PLEKHA7: variants seen among roughly 807,000 people sequenced by gnomAD.
PLEKHA7 encodes the protein pleckstrin homology domain containing A7, also known as pleckstrin homology domain-containing family A member 7.
A neutral mutation model predicts 170.0 loss-of-function variants in PLEKHA7; 104 were observed. That is an observed-to-expected ratio of 0.61 (90% CI 0.52 to 0.72). PLEKHA7 has a LOEUF of 0.72. Ranked by LOEUF, PLEKHA7 falls within the 30% of genes least tolerant of loss-of-function variation. The probability of loss-of-function intolerance (pLI) is 0.00; values close to 1 mark genes in which losing one functional copy is unlikely to be tolerated. For missense variants in PLEKHA7, 1,615 were observed against 1,671.7 expected (o/e 0.97, Z 0.59); for synonymous variants, 648 against 660.8 (o/e 0.98, Z 0.30).
chr11:16,888,875 T>TA (rs1321840933), intron 3 of PLEKHA7, among the ~76,000 whole-genome samples: 75 of 31,306 alleles, frequency 2.4e-3, no homozygotes, highest in Middle Eastern at 0.025. Context: ...TTAAAAAAAT[T>TA]AAAAAAAACA....
At chr11:16,788,993 G>C in intron 23 of PLEKHA7, 103 bp downstream of exon 23, 1 of 1,388,320 alleles carries the variant, frequency 7.2e-7, no homozygotes, top group Non-Finnish European at 9.8e-7. Flanking sequence ...TAGGTCAATG[G>C]ACAGCTCTCT....
At chr11:16,819,666 A>AAATGCACATTAATGAAAT in intron 10 of PLEKHA7, among the ~76,000 whole-genome samples, 1 of 152,354 alleles carries the variant, frequency 6.6e-6, no homozygotes, top group Admixed American at 6.5e-5. Context: ...GACTTGTTAG[A>AAATGCACATTAATGAAAT]AATGCACATT....
chr11:16,997,704 A>C (rs1408513143), intron 3 of PLEKHA7, among the ~76,000 whole-genome samples: 1 of 152,114 alleles, frequency 6.6e-6, no homozygotes, highest in Admixed American at 6.5e-5. Context: ...CTACAGGTGC[A>C]TGTGCTGGGG....
chr11:16,793,214 C>T (rs1163255877), intron 19 of PLEKHA7, among the ~76,000 whole-genome samples: 1 of 152,242 alleles, frequency 6.6e-6, no homozygotes, highest in African/African-American at 2.4e-5. Flanking sequence ...ATGCCAGTGC[C>T]TTTTTCCCCT....
chr11:17,013,938 G>A (rs1156481559), intron 3 of PLEKHA7, 51 bp downstream of exon 3: 24 of 1,426,684 alleles, frequency 1.7e-5, no homozygotes, highest in East Asian at 3.3e-5. Flanking sequence ...GAACGGGGAG[G>A]GACCCCCCCC....
intron 9 of PLEKHA7, among the ~76,000 whole-genome samples, chr11:16,828,789 G>T (rs2135012254): frequency 6.6e-6 from 1 of 152,312 alleles, no homozygotes; most frequent in South Asian, 2.1e-4. Context: ...CTCAGTGACT[G>T]GTTCAGGAGT....
At chr11:16,802,139 C>T (rs1469712880) in intron 15 of PLEKHA7, among the ~76,000 whole-genome samples, 1 of 152,174 alleles carries the variant, frequency 6.6e-6, no homozygotes, top group Admixed American at 6.5e-5. Context: ...AAAACAAAAA[C>T]CTCTTTAGCC....
chr11:16,867,838 C>T (rs1854514141), intron 4 of PLEKHA7, among the ~76,000 whole-genome samples: 1 of 152,188 alleles, frequency 6.6e-6, no homozygotes. Flanking sequence ...CACGTGTACA[C>T]ACTTATCTTC....
At chr11:16,892,683 C>T (rs1446673604) in intron 3 of PLEKHA7, among the ~76,000 whole-genome samples, 1 of 141,920 alleles carries the variant, frequency 7.0e-6, no homozygotes, top group Non-Finnish European at 1.5e-5. Flanking sequence ...ATTGCCCAGG[C>T]TAGTCTCAAA....
chr11:16,954,590 G>C (rs1861593520), intron 3 of PLEKHA7, among the ~76,000 whole-genome samples: 1 of 151,280 alleles, frequency 6.6e-6, no homozygotes, highest in South Asian at 2.1e-4. Context: ...TTAGTTATTT[G>C]AAAGGTCACA....
At chr11:16,949,902 G>A (rs1033861927) in intron 3 of PLEKHA7, among the ~76,000 whole-genome samples, 2 of 152,178 alleles carry the variant, frequency 1.3e-5, no homozygotes, top group South Asian at 2.1e-4. Flanking sequence ...GCCAAGATGA[G>A]GTTCTGAGAA....
intron 3 of PLEKHA7, among the ~76,000 whole-genome samples, chr11:16,968,375 T>G (rs1862501845): frequency 6.6e-6 from 1 of 152,160 alleles, no homozygotes. Flanking sequence ...CTACTCCTGC[T>G]CAACTCATGG....
chr11:16,993,882 T>G (rs980596262), intron 3 of PLEKHA7, among the ~76,000 whole-genome samples: 2 of 152,154 alleles, frequency 1.3e-5, no homozygotes, highest in African/African-American at 4.8e-5. Context: ...TTGCCTACTG[T>G]GTCTGGGTAG....
chr11:16,835,759 G>A (rs925940267), intron 9 of PLEKHA7, among the ~76,000 whole-genome samples: 8 of 152,144 alleles, frequency 5.3e-5, no homozygotes, highest in South Asian at 4.1e-4. Flanking sequence ...AGGTCTATCC[G>A]ATTTCAGAGA....
chr11:16,948,019 A>G (rs970754810), intron 3 of PLEKHA7, among the ~76,000 whole-genome samples: 3 of 152,222 alleles, frequency 2.0e-5, no homozygotes, highest in African/African-American at 4.8e-5. Flanking sequence ...AAGTCCTATC[A>G]TTTGAAACAA....
chr11:16,943,770 C>T (rs780265496), intron 3 of PLEKHA7, among the ~76,000 whole-genome samples: 1 of 152,162 alleles, frequency 6.6e-6, no homozygotes, highest in Non-Finnish European at 1.5e-5. Context: ...GAAGAACCTT[C>T]GTGACCAGGA....
intron 3 of PLEKHA7, among the ~76,000 whole-genome samples, chr11:16,998,669 A>G (rs188466126): frequency 0.017 from 2,486 of 144,058 alleles, 89 homozygotes; most frequent in Non-Finnish European, 0.014. Flanking sequence ...AGCTCTCTTC[A>G]GCTCCCATCT....
chr11:16,900,286 A>G (rs1278048828), intron 3 of PLEKHA7, among the ~76,000 whole-genome samples: 1 of 152,202 alleles, frequency 6.6e-6, no homozygotes, highest in Non-Finnish European at 1.5e-5. Flanking sequence ...GGAACTCAAT[A>G]AATTTCACTT....
chr11:17,013,992 A>G lies in PLEKHA7; in HGVS notation c.218T>C (p.Ile73Thr), dbSNP rs767377181. 15 of 1,542,158 alleles carry G rather than the reference A, an allele frequency of 9.7e-6. No individual in the cohort carries two copies. The South Asian group carries it at 1.8e-4, about 18-fold the overall frequency. ...GFTEEGASYF[I>T]DHNQQTTAFR... The stretch of plus-strand genomic sequence containing the variant: ...CGCGGCGGCCCCACTCACTCACTCG[A>G]TGAAGTAGCTGGCGCCCTCCTCCGT... Residue 73 changes from isoleucine to threonine, a missense_variant, in exon 3 of 27, where the codon ATC becomes ACC. Coordinates refer to ENST00000531066, the MANE Select transcript of PLEKHA7 (RefSeq NM_001329630.2).
Sources: allele counts gnomAD v4.1 joint callset (sites outside exome capture counted in the v4.1 genomes callset), GRCh38; gene constraint gnomAD v4.1.1; transcripts MANE v1.5; gene names NCBI Gene and HGNC (gene_info 2026-07-23, HGNC 2026-07-21).